Variants in CEP63 observed in about 807,000 individuals in gnomAD.
CEP63 encodes centrosomal protein of 63 kDa.
In CEP63, 84 loss-of-function variants were observed where a neutral mutation model predicts 89.1. The observed-to-expected ratio is 0.94, with a 90% CI of 0.79 to 1.13. The LOEUF (loss-of-function observed/expected upper bound fraction) is 1.13. CEP63 is among the 50% of genes most tolerant of loss of function. CEP63 has a pLI of 0.00. For missense variants in CEP63, 838 were observed against 813.3 expected (o/e 1.03, Z -0.37); for synonymous variants, 267 against 272.5 (o/e 0.98, Z 0.20).
the CEP63 span, among the ~76,000 whole-genome samples, chr3:134,762,542 C>T: frequency 1.3e-5 from 2 of 152,078 alleles, no homozygotes; most frequent in East Asian, 1.9e-4. Context: ...TAGTAAGAGT[C>T]CTACTCCAGT....
At chr3:134,610,343 T>C in the CEP63 span, 1 of 1,613,164 alleles carries the variant, frequency 6.2e-7, no homozygotes, top group East Asian at 2.2e-5. Context: ...CCGAAACCCT[T>C]GGAGTAGCCA....
the CEP63 span, among the ~76,000 whole-genome samples, chr3:134,655,470 C>A: frequency 6.6e-6 from 1 of 152,214 alleles, no homozygotes; most frequent in Non-Finnish European, 1.5e-5. Flanking sequence ...TGTGTGCATT[C>A]AGTAGGATAA....
At chr3:134,618,789 T>C in the CEP63 span, among the ~76,000 whole-genome samples, 21 of 152,150 alleles carry the variant, frequency 1.4e-4, no homozygotes, top group Non-Finnish European at 3.1e-4. Context: ...GAGGACAGCC[T>C]TTCACAGTCC....
At chr3:134,621,224 C>G in the CEP63 span, among the ~76,000 whole-genome samples, 6 of 152,272 alleles carry the variant, frequency 3.9e-5, no homozygotes, top group South Asian at 1.2e-3. Flanking sequence ...AAAGTCAGTT[C>G]TCAAATTCCT....
At chr3:134,529,339 C>CTT (rs66493822) in intron 3 of CEP63, among the ~76,000 whole-genome samples, 73,652 of 116,890 alleles carry the variant, frequency 0.63, 25,428 homozygotes, top group East Asian at 0.81. Flanking sequence ...TCCCCATTGA[C>CTT]TTTTTTTTTT....
At chr3:134,612,719 A>G in the CEP63 span, among the ~76,000 whole-genome samples, 2 of 149,656 alleles carry the variant, frequency 1.3e-5, no homozygotes, top group African/African-American at 2.5e-5. Flanking sequence ...CAGCATGTCA[A>G]TCTCTCCAGT....
At chr3:134,670,575 G>A in the CEP63 span, among the ~76,000 whole-genome samples, 1 of 152,218 alleles carries the variant, frequency 6.6e-6, no homozygotes, top group East Asian at 1.9e-4. Context: ...ACATTAGCAG[G>A]ACAGTGAAGT....
the CEP63 span, among the ~76,000 whole-genome samples, chr3:134,678,139 G>C: frequency 6.6e-6 from 1 of 152,102 alleles, no homozygotes; most frequent in African/African-American, 2.4e-5. Flanking sequence ...CTCTGCTCAT[G>C]CTGTGCTCCT....
At chr3:134,554,512 T>C (rs2109980608) in intron 12 of CEP63, among the ~76,000 whole-genome samples, 1 of 149,214 alleles carries the variant, frequency 6.7e-6, no homozygotes, top group Non-Finnish European at 1.5e-5. Flanking sequence ...CTTCCAAGTC[T>C]TTGCTATTGT....
Position 134,562,165 on chromosome 3 carries a change from G to T in CEP63, c.*630G>T. On this transcript the variant is annotated 3_prime_UTR_variant, in exon 15 of 15. Coordinates refer to ENST00000675561, the MANE Select transcript of CEP63 (RefSeq NM_001353108.3). ...GGCAAGGGACTGGCTGTCATGCACG[G>T]TGCCCATGGAATATCCATTGGAAAT... 12 of 986,844 alleles carry T rather than the reference G, an allele frequency of 1.2e-5. No homozygotes were observed. Among genetic ancestry groups the T allele is most frequent in the Non-Finnish European group, 1.4e-5 (12 of 830,962 alleles). 61.1% of individuals were successfully genotyped at this position (986,844 alleles called of 1,614,324 possible). A position where few individuals can be genotyped will look rare whatever the true frequency, so the allele number is the denominator to read the frequency against.
intron 2 of CEP63, among the ~76,000 whole-genome samples, chr3:134,506,753 C>G (rs564965750): frequency 6.6e-6 from 1 of 151,996 alleles, no homozygotes; most frequent in South Asian, 2.1e-4. Context: ...AACCCCATCT[C>G]TACTAAAAAT....
intron 9 of CEP63, 85 bp downstream of exon 9, chr3:134,547,557 A>G: frequency 9.5e-7 from 1 of 1,056,162 alleles, no homozygotes; most frequent in Non-Finnish European, 1.4e-6. Flanking sequence ...TGTAATAGTC[A>G]TAGTAAAAAA....
the CEP63 span, among the ~76,000 whole-genome samples, chr3:134,621,174 T>C: frequency 6.6e-6 from 1 of 152,140 alleles, no homozygotes; most frequent in African/African-American, 2.4e-5. Flanking sequence ...TTTAACATAA[T>C]CCTTATCAAA....
chr3:134,745,630 C>T, the CEP63 span, among the ~76,000 whole-genome samples: 1 of 151,920 alleles, frequency 6.6e-6, no homozygotes, highest in Non-Finnish European at 1.5e-5. Context: ...GTTTGCTGCA[C>T]CCATTAACTC....
At chr3:134,611,951 C>A in the CEP63 span, among the ~76,000 whole-genome samples, 1 of 152,218 alleles carries the variant, frequency 6.6e-6, no homozygotes, top group Non-Finnish European at 1.5e-5. Flanking sequence ...ATATCACTTG[C>A]TGAGAGAGTC....
At chr3:134,610,309 G>C in the CEP63 span, 2 of 1,613,740 alleles carry the variant, frequency 1.2e-6, no homozygotes, top group Non-Finnish European at 1.7e-6. Flanking sequence ...AAACTCCCCC[G>C]AGAAGCTCTG....
chr3:134,737,792 C>T, the CEP63 span, among the ~76,000 whole-genome samples: 6 of 152,162 alleles, frequency 3.9e-5, no homozygotes, highest in African/African-American at 1.2e-4. Context: ...GTTATTTGAC[C>T]GGGGCTGCTG....
chr3:134,682,484 AG>A, the CEP63 span, among the ~76,000 whole-genome samples: 1 of 152,234 alleles, frequency 6.6e-6, no homozygotes, highest in Non-Finnish European at 1.5e-5. Context: ...GGGAATGGGC[AG>A]GAATGCAGGA....
At chr3:134,769,143 G>T in the CEP63 span, among the ~76,000 whole-genome samples, 1 of 152,310 alleles carries the variant, frequency 6.6e-6, no homozygotes, top group East Asian at 1.9e-4. Flanking sequence ...ATAGGCAAGA[G>T]AACACATTCT....
Sources: gnomAD v4.1 joint callset for allele counts (sites outside exome capture counted in the v4.1 genomes callset) on GRCh38, gnomAD v4.1.1 for gene constraint, MANE v1.5 for transcripts, NCBI Gene and HGNC (gene_info 2026-07-23, HGNC 2026-07-21) for gene names.